The following MORN1 variants were observed in gnomAD, a reference collection of about 807,000 sequenced individuals.
MORN1 encodes MORN repeat-containing protein 1.
Under a neutral mutation model 61.9 loss-of-function variants are expected in MORN1, and 67 were observed. The ratio of observed to expected loss-of-function variants is 1.08; its 90% CI spans 0.89 to 1.33. The LOEUF (loss-of-function observed/expected upper bound fraction) is 1.33. Among genes scored for constraint, MORN1 ranks in the 40% most tolerant of loss-of-function variants. The pLI is 0.00. For synonymous variants in MORN1, 301 were observed against 292.0 expected, an observed-to-expected ratio of 1.03 and a Z score of -0.31; for missense variants, 752 against 691.2, an observed-to-expected ratio of 1.09 and a Z score of -0.99.
In MORN1 at chr1:2,357,410, C is replaced by A; in HGVS notation, c.1036+22G>T. 6.4e-7 allele frequency: 1 copy of A among 1,567,288 alleles called. No homozygotes were observed. Among genetic ancestry groups the A allele is most frequent in the Non-Finnish European group, 8.7e-7 (1 of 1,155,480 alleles). ...TGGGCCTGGGCCCACCCACCCCCAA[C>A]TGGTTTGTGAGCTCCACTTACCAAG... On this transcript the variant is annotated intron_variant, in intron 10 of 13. Coordinates refer to ENST00000378531, the MANE Select transcript of MORN1 (RefSeq NM_024848.3). This position sits in a 1 kb window ranked among gnomAD's most constrained non-coding sequence, Gnocchi z 6.3.
In MORN1 at chr1:2,357,948, C is replaced by G. The variant is rs1053656963; in HGVS notation, c.870-350G>C. Among the ~76,000 whole-genome samples, 1 of 152,154 alleles carries G rather than the reference C, an allele frequency of 6.6e-6. No homozygotes were observed. Among genetic ancestry groups the G allele is most frequent in the Non-Finnish European group, 1.5e-5 (1 of 68,030 alleles). ...GACAGTCCTTAACTCAGGAGAAGGG[C>G]CGGTGGGAAAAGGGAGTGTGAGAGC... On this transcript the variant is annotated intron_variant, in intron 9 of 13. Transcript: ENST00000378531. The surrounding 1 kb of genome is among the most constrained non-coding windows in gnomAD (Gnocchi z 6.3).
In MORN1 at chr1:2,336,806, CCA is replaced by C. The variant is rs1641290119; in HGVS notation, c.1079_1080del (p.Val360GlyfsTer59). The C allele has an allele frequency of 6.2e-7, 1 of 1,600,826 alleles. No homozygotes were observed. Among genetic ancestry groups the C allele is most frequent in the African/African-American group, 1.3e-5 (1 of 74,488 alleles). Reference protein sequence around the residue: ...APHCPGACQRVEQGCAEFTDV... With the variant: ...APHCPGACQRXEQGCAEFTDV... ...TCTGTGAACTCGGCACAGCCCTGCT[CCA>C]CTCGCTGACAGGCCCCGGGACAATG... On this transcript the variant is annotated frameshift_variant, in exon 11 of 14. Transcript: ENST00000378531. LOFTEE classifies it high-confidence loss of function.
intron 10 of MORN1, among the ~76,000 whole-genome samples, chr1:2,354,035 A>T (rs1641707981): frequency 6.6e-6 from 1 of 152,260 alleles, no homozygotes; most frequent in Admixed American, 6.5e-5. Flanking sequence ...CTGTGATCCC[A>T]GCACTTTGAG....
At chr1:2,336,937 C>T in intron 10 of MORN1, 87 bp from the exon 11 acceptor site, 2 of 1,348,278 alleles carry the variant, frequency 1.5e-6, no homozygotes, top group Non-Finnish European at 1.9e-6. Context: ...AAGTGTGGCT[C>T]TGGCCAGGGC....
chr1:2,350,789 G>C (rs1641627840), intron 10 of MORN1: 1 of 152,434 alleles, frequency 6.6e-6, no homozygotes, highest in South Asian at 2.1e-4. Context: ...CTGGGCATCT[G>C]TGGCAGGTGT....
chr1:2,333,115 G>A (rs953364930), intron 12 of MORN1, among the ~76,000 whole-genome samples: 8 of 152,242 alleles, frequency 5.3e-5, no homozygotes, highest in African/African-American at 1.9e-4. Flanking sequence ...AGGTGTTGGG[G>A]GGCGTGACTG....
At chr1:2,322,274 CCT>C (rs2100211899) in intron 13 of MORN1, 4 of 985,436 alleles carry the variant, frequency 4.1e-6, no homozygotes, top group Middle Eastern at 5.2e-4. Flanking sequence ...TCTCCCCTCC[CCT>C]GAGCCTGCCG....
chr1:2,323,531 C>T, intron 13 of MORN1: 1 of 985,348 alleles, frequency 1.0e-6, no homozygotes, highest in African/African-American at 1.7e-5. Flanking sequence ...GCATTCGGCC[C>T]CTCTGGCTTG....
At chr1:2,324,674 G>C (rs1172698404) in intron 12 of MORN1, among the ~76,000 whole-genome samples, 2 of 152,164 alleles carry the variant, frequency 1.3e-5, no homozygotes, top group Non-Finnish European at 2.9e-5. Context: ...AGGTAGCAGT[G>C]AGGATGGGAG....
chr1:2,385,280 G>C (rs1230459001), intron 5 of MORN1: 1 of 588,366 alleles, frequency 1.7e-6, no homozygotes, highest in African/African-American at 1.9e-5. Flanking sequence ...ACCCTAGATG[G>C]TAGGCCTGCT....
At chr1:2,387,780 C>T in intron 3 of MORN1, 1 of 521,314 alleles carries the variant, frequency 1.9e-6, no homozygotes, top group Admixed American at 3.2e-5. Context: ...GGCAAAGGAC[C>T]CTCTGGTCGG....
chr1:2,365,311 C>T (rs1230790720), intron 8 of MORN1, among the ~76,000 whole-genome samples: 1 of 146,248 alleles, frequency 6.8e-6, no homozygotes, highest in Middle Eastern at 3.2e-3. Flanking sequence ...GTATTTTATT[C>T]TCTTTGAAGC....
At chr1:2,327,872 C>T (rs1199089806) in intron 12 of MORN1, among the ~76,000 whole-genome samples, 3 of 152,398 alleles carry the variant, frequency 2.0e-5, no homozygotes, top group African/African-American at 4.8e-5. Context: ...CCCCGCATCG[C>T]GCCTCGGCGT....
At chr1:2,323,802 G>C (rs770397166) in intron 13 of MORN1, 21 of 985,316 alleles carry the variant, frequency 2.1e-5, no homozygotes, top group Non-Finnish European at 2.5e-5. Flanking sequence ...AGGCCTCCGA[G>C]TCCCCGTGCT....
intron 12 of MORN1, among the ~76,000 whole-genome samples, chr1:2,333,854 C>T (rs1446436088): frequency 5.9e-5 from 9 of 152,196 alleles, no homozygotes; most frequent in Admixed American, 2.6e-4. Context: ...CAGACACAGC[C>T]GACTGAGTGT....
rs1241526957 is a variant in MORN1, at chr1:2,372,645, C to T, written c.635-54G>A. The T allele has an allele frequency of 2.1e-6, 3 of 1,434,736 alleles. No homozygotes were observed. The highest frequency in any genetic ancestry group is 2.9e-6 in the Non-Finnish European group (3 of 1,038,350). The allele number at this position is 1,434,736 out of a possible 1,614,324, so 88.9% of individuals were successfully genotyped here. On this transcript the variant is annotated intron_variant, in intron 7 of 13. Transcript: ENST00000378531. This position sits in a 1 kb window ranked among gnomAD's most constrained non-coding sequence, Gnocchi z 5.4. ...GGTGACTGGCATGGTCCCCCACCCACCCCATGGCTGAGTCAGCAGTGGGCA... is the reference window on the plus strand; with the variant it reads ...GGTGACTGGCATGGTCCCCCACCCATCCCATGGCTGAGTCAGCAGTGGGCA...
intron 10 of MORN1, among the ~76,000 whole-genome samples, chr1:2,356,594 C>T (rs1641774938): frequency 6.6e-6 from 1 of 152,154 alleles, no homozygotes; most frequent in Non-Finnish European, 1.5e-5. Context: ...ACCCCCACGC[C>T]CGACCCCCGT....
chr1:2,346,810 T>C (rs754950791), intron 10 of MORN1, among the ~76,000 whole-genome samples: 80 of 152,246 alleles, frequency 5.3e-4, no homozygotes, highest in Non-Finnish European at 9.1e-4. Flanking sequence ...CCGGTCCGAG[T>C]ACCGAGGCTC....
At chr1:2,366,416 A>G (rs988296340) in intron 8 of MORN1, among the ~76,000 whole-genome samples, 1 of 152,176 alleles carries the variant, frequency 6.6e-6, no homozygotes, top group African/African-American at 2.4e-5. Context: ...AACATGGCAC[A>G]TGTATACATA....
Sources: allele counts gnomAD v4.1 joint callset (sites outside exome capture counted in the v4.1 genomes callset), GRCh38; gene constraint gnomAD v4.1.1; non-coding constraint Gnocchi (gnomAD v3.1); transcripts MANE v1.5; gene names NCBI Gene and HGNC (gene_info 2026-07-23, HGNC 2026-07-21).